MAP3K13: variants seen among roughly 807,000 people sequenced by gnomAD.
The protein encoded by MAP3K13 is leucine zipper-bearing kinase.
In MAP3K13, 52 loss-of-function variants were observed where a neutral mutation model predicts 104.0. That is an observed-to-expected ratio of 0.50 (90% CI 0.40 to 0.63). The LOEUF (loss-of-function observed/expected upper bound fraction) is 0.63. Ranked by LOEUF, MAP3K13 falls within the 20% of genes least tolerant of loss-of-function variation. The pLI is 0.00. For missense variants in MAP3K13, 914 were observed against 1,218.5 expected, an observed-to-expected ratio of 0.75 and a Z score of 3.72; for synonymous variants, 394 against 442.2, an observed-to-expected ratio of 0.89 and a Z score of 1.37.
intron 1 of MAP3K13, among the ~76,000 whole-genome samples, chr3:185,383,930 T>C (rs1024948830): frequency 6.6e-6 from 1 of 152,210 alleles, no homozygotes; most frequent in African/African-American, 2.4e-5. Context: ...ATTGAACAAT[T>C]ACCAGTTTCT....
chr3:185,435,265 C>T (rs1714969836), intron 2 of MAP3K13, among the ~76,000 whole-genome samples: 1 of 151,982 alleles, frequency 6.6e-6, no homozygotes, highest in Non-Finnish European at 1.5e-5. Flanking sequence ...CCTGCCTCAG[C>T]CTCCCAAAGT....
intron 6 of MAP3K13, 148 bp from the exon 7 acceptor site, chr3:185,451,139 T>C (rs919736774): frequency 3.5e-6 from 2 of 570,170 alleles, no homozygotes; most frequent in Non-Finnish European, 6.3e-6. Context: ...TACAATTCAG[T>C]TATGCTATCC....
chr3:185,422,995 G>A (rs944650015), intron 1 of MAP3K13, among the ~76,000 whole-genome samples: 2 of 152,164 alleles, frequency 1.3e-5, no homozygotes, highest in Non-Finnish European at 2.9e-5. Flanking sequence ...CTGTGCATGC[G>A]AGGGATCTAG....
rs1713922425 is a variant in MAP3K13 at position 185,418,423 on chromosome 3, T to G, written c.-85-10074T>G. ...GGCAGAACAGATGGCATATCGTTTT[T>G]GGGTTGTGTTCACTCTACGATGCCA... On this transcript the variant is annotated intron_variant, in intron 1 of 13. Coordinates refer to ENST00000265026, the MANE Select transcript of MAP3K13 (RefSeq NM_004721.5). This position sits in a 1 kb window ranked among gnomAD's most constrained non-coding sequence, Gnocchi z 4.5. 16 of 1,608,600 alleles carry G rather than the reference T, an allele frequency of 9.9e-6. No homozygotes were observed. Among genetic ancestry groups the G allele is most frequent in the Non-Finnish European group, 1.3e-5 (15 of 1,176,720 alleles).
intron 2 of MAP3K13, chr3:185,293,062 C>CTT: frequency 5.3e-6 from 5 of 939,658 alleles, no homozygotes; most frequent in Non-Finnish European, 6.3e-6. Flanking sequence ...ATAAAATGTA[C>CTT]TTTTTTTTTT....
intron 9 of MAP3K13, among the ~76,000 whole-genome samples, chr3:185,466,152 T>C (rs554267139): frequency 3.3e-5 from 5 of 152,278 alleles, no homozygotes; most frequent in South Asian, 2.1e-4. Flanking sequence ...GGGGAGCCGA[T>C]TGCCCCCTGG....
chr3:185,415,616 G>T (rs115604017), intron 1 of MAP3K13, among the ~76,000 whole-genome samples: 1 of 97,100 alleles, frequency 1.0e-5, no homozygotes, highest in Non-Finnish European at 2.0e-5. Flanking sequence ...AGAGTTTTAC[G>T]CTTATTGCCC....
intron 2 of MAP3K13, among the ~76,000 whole-genome samples, chr3:185,347,402 A>C (rs1255017215): frequency 1.3e-5 from 2 of 152,134 alleles, no homozygotes; most frequent in Non-Finnish European, 2.9e-5. Flanking sequence ...CTATTTCTTT[A>C]TACATCTCTA....
intron 2 of MAP3K13, among the ~76,000 whole-genome samples, chr3:185,342,898 GGAACTCATA>G (rs1490522358): frequency 6.6e-6 from 1 of 152,144 alleles, no homozygotes; most frequent in African/African-American, 2.4e-5. Context: ...GCTTAACTGG[GGAACTCATA>G]GACATAAGTT....
intron 1 of MAP3K13, among the ~76,000 whole-genome samples, chr3:185,377,303 G>A (rs930403211): frequency 9.9e-5 from 15 of 152,138 alleles, no homozygotes; most frequent in African/African-American, 3.6e-4. Context: ...CATTGAGCAG[G>A]GTAAGGGTGA....
intron 2 of MAP3K13, among the ~76,000 whole-genome samples, chr3:185,429,989 C>T (rs1233316381): frequency 6.6e-6 from 1 of 152,136 alleles, no homozygotes; most frequent in Non-Finnish European, 1.5e-5. Context: ...CACCTGAGGT[C>T]AGGAGTTCAA....
intron 2 of MAP3K13, among the ~76,000 whole-genome samples, chr3:185,335,345 G>A (rs1287457395): frequency 6.6e-6 from 1 of 151,996 alleles, no homozygotes; most frequent in African/African-American, 2.4e-5. Flanking sequence ...TAATGTAATT[G>A]GATCCCCTTC....
At chr3:185,327,051 A>G (rs1722064790) in intron 2 of MAP3K13, among the ~76,000 whole-genome samples, 1 of 152,228 alleles carries the variant, frequency 6.6e-6, no homozygotes, top group Admixed American at 6.5e-5. Context: ...ATAGTTCTGT[A>G]GGTCAAAAGA....
At chr3:185,374,949 G>A (rs1200475016) in intron 1 of MAP3K13, among the ~76,000 whole-genome samples, 1 of 152,144 alleles carries the variant, frequency 6.6e-6, no homozygotes, top group African/African-American at 2.4e-5. Context: ...TAAAAGTAAA[G>A]AACAGGACTT....
chr3:185,384,044 T>A (rs1192530434), intron 1 of MAP3K13, among the ~76,000 whole-genome samples: 1 of 152,194 alleles, frequency 6.6e-6, no homozygotes, highest in Non-Finnish European at 1.5e-5. Flanking sequence ...TAAAACTTAT[T>A]CCTTCTTCGT....
chr3:185,466,204 A>G (rs1216400159), intron 9 of MAP3K13, among the ~76,000 whole-genome samples: 1 of 152,216 alleles, frequency 6.6e-6, no homozygotes, highest in Non-Finnish European at 1.5e-5. Context: ...GGTACTCCTG[A>G]TGGTGGCAAG....
intron 2 of MAP3K13, 87 bp from the exon 3 acceptor site, chr3:185,437,360 G>C: frequency 8.7e-7 from 1 of 1,154,652 alleles, no homozygotes; most frequent in Non-Finnish European, 1.2e-6. Context: ...CATCCTGGGT[G>C]ACGATGAAGT....
chr3:185,391,758 C>T (rs943696255), intron 1 of MAP3K13, among the ~76,000 whole-genome samples: 1 of 152,132 alleles, frequency 6.6e-6, no homozygotes, highest in African/African-American at 2.4e-5. Context: ...AATCCCTTTT[C>T]CCTATCATAA....
chr3:185,393,705 G>T (rs906041975), intron 1 of MAP3K13, among the ~76,000 whole-genome samples: 1 of 152,026 alleles, frequency 6.6e-6, no homozygotes, highest in East Asian at 1.9e-4. Context: ...TGATCCACCC[G>T]CCTCGGCCTC....
Sources: allele counts gnomAD v4.1 joint callset (sites outside exome capture counted in the v4.1 genomes callset), GRCh38; gene constraint gnomAD v4.1.1; non-coding constraint Gnocchi (gnomAD v3.1); transcripts MANE v1.5; gene names NCBI Gene and HGNC (gene_info 2026-07-23, HGNC 2026-07-21).